The following NPIPB2 variants were observed in gnomAD, a reference collection of about 807,000 sequenced individuals.
NPIPB2 encodes nuclear pore complex interacting protein family member B2, also known as nuclear pore complex-interacting protein family member B2.
NPIPB2 carries 27 observed loss-of-function variants against 30.8 expected under a neutral mutation model. The ratio of observed to expected loss-of-function variants is 0.88; its 90% confidence interval spans 0.65 to 1.21. The LOEUF (loss-of-function observed/expected upper bound fraction) is 1.21. NPIPB2 is among the 50% of genes most tolerant of loss of function. The pLI is 0.00. For synonymous variants in NPIPB2, 147 were observed against 162.0 expected (o/e 0.91, Z 0.70); for missense variants, 440 against 446.2 (o/e 0.99, Z 0.13).
intron 1 of NPIPB2, 116 bp from the exon 2 acceptor site, chr16:11,937,784 G>C (rs1235942048): frequency 7.0e-7 from 1 of 1,435,074 alleles, no homozygotes; most frequent in Admixed American, 2.0e-5. Context: ...ACATCCCTCA[G>C]ATATCACCGT....
chr16:11,975,189 C>T (rs1290370021), intron 1 of NPIPB2, among the ~76,000 whole-genome samples: 2 of 66,242 alleles, frequency 3.0e-5, no homozygotes, highest in Non-Finnish European at 5.5e-5. Flanking sequence ...GCTCTGTCGC[C>T]CAGGCTGGAG....
intron 1 of NPIPB2, among the ~76,000 whole-genome samples, chr16:11,974,119 G>C (rs1422959344): frequency 6.6e-6 from 1 of 152,140 alleles, no homozygotes; most frequent in Non-Finnish European, 1.5e-5. Flanking sequence ...GCTGTGTTAT[G>C]GGCGAGGCCA....
At chr16:11,934,067 C>A in intron 2 of NPIPB2, 143 bp from the exon 3 acceptor site, 2 of 670,296 alleles carry the variant, frequency 3.0e-6, no homozygotes, top group Non-Finnish European at 5.2e-6. Flanking sequence ...CCCGTCTCTA[C>A]TAAAAATACA....
chr16:11,966,446 C>A, intron 1 of NPIPB2: 1 of 1,180,244 alleles, frequency 8.5e-7, no homozygotes, highest in South Asian at 1.5e-5. Context: ...TCGTTACAGC[C>A]CTTTCGAATG....
chr16:11,948,149 C>G (rs965339251), intron 1 of NPIPB2, among the ~76,000 whole-genome samples: 1 of 151,678 alleles, frequency 6.6e-6, no homozygotes, highest in Non-Finnish European at 1.5e-5. Context: ...GGGTGACCAG[C>G]TGTCCTGGGA....
upstream of NPIPB2, among the ~76,000 whole-genome samples, chr16:11,944,644 T>C (rs1198970059): frequency 7.5e-6 from 1 of 133,544 alleles, no homozygotes; most frequent in East Asian, 2.4e-4. Flanking sequence ...GCACCTGTAA[T>C]CCCAGCTACT....
At chr16:11,970,070 C>T (rs975270621) in intron 1 of NPIPB2, among the ~76,000 whole-genome samples, 4 of 151,892 alleles carry the variant, frequency 2.6e-5, no homozygotes, top group Admixed American at 6.5e-5. Flanking sequence ...TGGGTATGGC[C>T]GGGTGTGGTG....
intron 1 of NPIPB2, among the ~76,000 whole-genome samples, chr16:11,967,379 G>A (rs951515192): frequency 6.6e-6 from 1 of 152,172 alleles, no homozygotes; most frequent in Non-Finnish European, 1.5e-5. Context: ...CGACTGCTCT[G>A]TAGGCTAACG....
chr16:11,953,564 A>G (rs1357301229), intron 1 of NPIPB2, among the ~76,000 whole-genome samples: 1 of 151,894 alleles, frequency 6.6e-6, no homozygotes, highest in East Asian at 1.9e-4. Context: ...GTTAGCCAGG[A>G]TGGTCTCAAT....
intron 1 of NPIPB2, among the ~76,000 whole-genome samples, chr16:11,963,658 C>G (rs1346097569): frequency 6.6e-6 from 1 of 152,146 alleles, no homozygotes; most frequent in Non-Finnish European, 1.5e-5. Flanking sequence ...TAGGAGTTTG[C>G]CATTTCCTCA....
chr16:11,952,783 C>G (rs1164555838), intron 1 of NPIPB2, among the ~76,000 whole-genome samples: 1 of 151,968 alleles, frequency 6.6e-6, no homozygotes, highest in Non-Finnish European at 1.5e-5. Context: ...CCAGGCTGGT[C>G]TCGAATGCCT....
intron 1 of NPIPB2, among the ~76,000 whole-genome samples, chr16:11,970,486 T>A (rs1388964310): frequency 6.6e-6 from 1 of 152,016 alleles, no homozygotes; most frequent in African/African-American, 2.4e-5. Flanking sequence ...GTGCTAGAAT[T>A]ATAGGTGTGG....
At chr16:11,969,753 A>G (rs2055224007) in intron 1 of NPIPB2, among the ~76,000 whole-genome samples, 1 of 152,184 alleles carries the variant, frequency 6.6e-6, no homozygotes, top group African/African-American at 2.4e-5. Flanking sequence ...GGTGCACGAC[A>G]TACTGTTTTC....
chr16:11,966,348 T>C, intron 1 of NPIPB2: 1 of 1,606,356 alleles, frequency 6.2e-7, no homozygotes, highest in Non-Finnish European at 8.5e-7. Flanking sequence ...ACAGGTTGGT[T>C]TGATGGTGAA....
intron 2 of NPIPB2, among the ~76,000 whole-genome samples, chr16:11,935,323 A>T (rs1393544492): frequency 6.6e-6 from 1 of 152,146 alleles, no homozygotes; most frequent in Non-Finnish European, 1.5e-5. Context: ...CATTGAAATG[A>T]CTTTTTTCTT....
chr16:11,970,750 G>A (rs2055230756), intron 1 of NPIPB2, among the ~76,000 whole-genome samples: 1 of 151,882 alleles, frequency 6.6e-6, no homozygotes, highest in Non-Finnish European at 1.5e-5. Context: ...TGGACACGGT[G>A]GTCTTGAACT....
chr16:11,954,364 GC>G (rs2055092502), intron 1 of NPIPB2, among the ~76,000 whole-genome samples: 1 of 151,748 alleles, frequency 6.6e-6, no homozygotes, highest in South Asian at 2.1e-4. Flanking sequence ...TATAATCCCA[GC>G]TACTGGGGAG....
At chr16:11,950,542 G>A (rs1348582941) in intron 1 of NPIPB2, among the ~76,000 whole-genome samples, 4 of 152,100 alleles carry the variant, frequency 2.6e-5, no homozygotes, top group Non-Finnish European at 4.4e-5. Flanking sequence ...AAAGGAGGAC[G>A]CTAACATAAG....
intron 1 of NPIPB2, among the ~76,000 whole-genome samples, chr16:11,968,925 G>A (rs556496200): frequency 3.3e-5 from 5 of 150,478 alleles, no homozygotes; most frequent in African/African-American, 1.2e-4. Flanking sequence ...GGAGTGCAGT[G>A]GCATGATCAC....
Sources: gnomAD v4.1 joint callset for allele counts (sites outside exome capture counted in the v4.1 genomes callset) on GRCh38, gnomAD v4.1.1 for gene constraint, MANE v1.5 for transcripts, NCBI Gene and HGNC (gene_info 2026-07-23, HGNC 2026-07-21) for gene names.